NRG1: variants seen among roughly 807,000 people sequenced by gnomAD.
NRG1 encodes neuregulin 1, also known as pro-neuregulin-1, membrane-bound isoform.
NRG1 carries 18 observed loss-of-function variants against 63.8 expected under a neutral mutation model. The ratio of observed to expected loss-of-function variants is 0.28; its 90% CI spans 0.19 to 0.42. The LOEUF (loss-of-function observed/expected upper bound fraction) is 0.42. Among genes scored for constraint, NRG1 ranks in the 10% least tolerant of loss-of-function variants. The pLI, the probability that NRG1 is intolerant of heterozygous loss-of-function variation, is 1.00. For synonymous variants in NRG1, 302 were observed against 301.3 expected (o/e 1.00, Z -0.02); for missense variants, 762 against 814.7 (o/e 0.94, Z 0.79).
intron 1 of NRG1, among the ~76,000 whole-genome samples, chr8:31,926,481 A>G (rs904261864): frequency 2.6e-5 from 4 of 152,150 alleles, no homozygotes; most frequent in Admixed American, 2.0e-4. Flanking sequence ...TATAAGTACT[A>G]GTATGATCTA....
intron 1 of NRG1, among the ~76,000 whole-genome samples, chr8:32,243,192 GAGAGGC>G (rs1283581414): frequency 6.6e-6 from 1 of 152,146 alleles, no homozygotes; most frequent in African/African-American, 2.4e-5. Flanking sequence ...GGGAGGCTGA[GAGAGGC>G]AGATCACTTG....
chr8:31,721,828 A>G lies in NRG1; in HGVS notation c.37+82397A>G, dbSNP rs117134143. 3.9e-3 allele frequency among the ~76,000 whole-genome samples: 586 copies of G among 152,174 alleles called. 1 individual carries two copies. The highest frequency in any genetic ancestry group is 0.019 in the South Asian group (90 of 4,810). On this transcript the variant is annotated intron_variant, in intron 1 of 10. Coordinates refer to the NRG1 transcript ENST00000519301. ...TCAGTTGTCCAGGTTATCGCAAGAA[A>G]TTGTGCTGGATTTCTACTCGCTCAC...
intron 1 of NRG1, among the ~76,000 whole-genome samples, chr8:32,537,325 T>A (rs550372639): frequency 6.5e-4 from 99 of 152,066 alleles, no homozygotes; most frequent in Non-Finnish European, 1.2e-3. Flanking sequence ...GTTCATTGTC[T>A]TCCATCCTAC....
intron 1 of NRG1, among the ~76,000 whole-genome samples, chr8:31,830,708 A>G (rs1395626723): frequency 6.6e-6 from 1 of 152,006 alleles, no homozygotes; most frequent in Non-Finnish European, 1.5e-5. Context: ...ATTCTAATCC[A>G]ACAGGGATTA....
chr8:32,544,674 T>G (rs1714231471), upstream of NRG1, among the ~76,000 whole-genome samples: 1 of 144,062 alleles, frequency 6.9e-6, no homozygotes, highest in African/African-American at 2.5e-5. Context: ...GGCTAATTTT[T>G]GTATCTTTTT....
intron 5 of NRG1, among the ~76,000 whole-genome samples, chr8:32,696,735 C>T (rs1230692258): frequency 2.0e-5 from 3 of 149,240 alleles, no homozygotes; most frequent in African/African-American, 7.4e-5. Flanking sequence ...AATCTTGACT[C>T]ACTACAACCT....
intron 1 of NRG1, among the ~76,000 whole-genome samples, chr8:32,198,704 C>G (rs1586028409): frequency 6.6e-6 from 1 of 152,132 alleles, no homozygotes; most frequent in Non-Finnish European, 1.5e-5. Context: ...TGAGGTCAAT[C>G]TCATATCCAA....
chr8:32,059,859 C>T (rs1417709884), intron 1 of NRG1, among the ~76,000 whole-genome samples: 1 of 151,878 alleles, frequency 6.6e-6, no homozygotes, highest in Non-Finnish European at 1.5e-5. Flanking sequence ...TCCATTTTCT[C>T]TCTTCTCTTT....
intron 1 of NRG1, among the ~76,000 whole-genome samples, chr8:31,818,709 C>T (rs1305529080): frequency 1.3e-5 from 2 of 152,122 alleles, no homozygotes; most frequent in African/African-American, 2.4e-5. Flanking sequence ...CCTAACAAGA[C>T]CATTCACCGG....
chr8:32,751,855 T>G (rs1359358225), intron 7 of NRG1, among the ~76,000 whole-genome samples: 1 of 151,626 alleles, frequency 6.6e-6, no homozygotes, highest in Non-Finnish European at 1.5e-5. Flanking sequence ...CGCAGCTCAA[T>G]CTATTCTTCT....
At chr8:32,596,044 C>T in intron 2 of NRG1, 39 bp downstream of exon 2, 1 of 1,489,638 alleles carries the variant, frequency 6.7e-7, no homozygotes, top group Non-Finnish European at 9.2e-7. Context: ...CTGCCCCCAG[C>T]AATAAGATAA....
Position 32,664,812 on chromosome 8 carries a change from T to G in NRG1, c.502+47927T>G, listed in dbSNP as rs566943773. On this transcript the variant is annotated intron_variant, in intron 5 of 11. Coordinates refer to ENST00000356819, the Ensembl canonical transcript of NRG1. ...CATTAGTAATTTAGCGGTTGTTAGATTAATGAATCTCTGAGTGACAACCTC... is the reference window on the plus strand; with the variant it reads ...CATTAGTAATTTAGCGGTTGTTAGAGTAATGAATCTCTGAGTGACAACCTC... Among the ~76,000 whole-genome samples the G allele has an allele frequency of 2.6e-4, 39 of 152,270 alleles. No homozygotes were observed. The Middle Eastern group carries it at 0.01, about 40-fold the overall frequency.
chr8:32,416,433 C>T (rs576165250), intron 1 of NRG1, among the ~76,000 whole-genome samples: 156 of 151,810 alleles, frequency 1.0e-3, no homozygotes, highest in Non-Finnish European at 1.2e-3. Flanking sequence ...TCCCTTCCTT[C>T]CTTCCCCTCA....
chr8:31,852,755 A>T (rs1827385637), intron 1 of NRG1, among the ~76,000 whole-genome samples: 1 of 152,192 alleles, frequency 6.6e-6, no homozygotes, highest in Non-Finnish European at 1.5e-5. Context: ...CTAACATTTA[A>T]GTCTTTAATC....
At chr8:31,669,378 C>T (rs1362521244) in intron 1 of NRG1, among the ~76,000 whole-genome samples, 1 of 152,016 alleles carries the variant, frequency 6.6e-6, no homozygotes, top group Non-Finnish European at 1.5e-5. Flanking sequence ...GCTGGGATTA[C>T]AGGCATGTGC....
intron 1 of NRG1, among the ~76,000 whole-genome samples, chr8:32,336,526 G>T (rs1450622341): frequency 6.6e-6 from 1 of 152,172 alleles, no homozygotes; most frequent in South Asian, 2.1e-4. Flanking sequence ...AAAAATCTGG[G>T]TGGCTTAATG....
At chr8:32,281,392 G>A (rs1022749834) in intron 1 of NRG1, among the ~76,000 whole-genome samples, 11 of 151,474 alleles carry the variant, frequency 7.3e-5, no homozygotes, top group Non-Finnish European at 1.2e-4. Context: ...TGGCCAGGCT[G>A]GTCTCGAACT....
At chr8:32,513,436 T>C (rs1364425776) in intron 1 of NRG1, among the ~76,000 whole-genome samples, 1 of 150,456 alleles carries the variant, frequency 6.6e-6, no homozygotes, top group African/African-American at 2.4e-5. Context: ...AAAGTGGTCA[T>C]GATTTCTCCT....
chr8:32,425,191 A>G (rs1563447214), intron 1 of NRG1, among the ~76,000 whole-genome samples: 1 of 152,242 alleles, frequency 6.6e-6, no homozygotes, highest in Admixed American at 6.5e-5. Context: ...AAAAGAAAAC[A>G]TCTAAATGCA....
Sources: allele counts gnomAD v4.1 joint callset (sites outside exome capture counted in the v4.1 genomes callset), GRCh38; gene constraint gnomAD v4.1.1; transcripts MANE v1.5; gene names NCBI Gene and HGNC (gene_info 2026-07-23, HGNC 2026-07-21).